Variants in PIR observed in about 807,000 individuals in gnomAD.
The protein encoded by PIR is pirin (iron-binding nuclear protein).
Under a neutral mutation model 24.2 loss-of-function variants are expected in PIR, and 22 were observed. The observed-to-expected ratio is 0.91, with a 90% CI of 0.65 to 1.30. PIR has a LOEUF of 1.30. PIR is among the 50% of genes most tolerant of loss of function. The pLI is 0.00. For synonymous variants in PIR, 80 were observed against 79.6 expected, an observed-to-expected ratio of 1.00 and a Z score of -0.03; for missense variants, 220 against 220.3, an observed-to-expected ratio of 1.00 and a Z score of 0.01.
At position 15,465,331 on chromosome X, in the gene PIR, TTTTA is replaced by T. The variant is rs778199658; in HGVS notation, c.190-5595_190-5592del. Among the ~76,000 whole-genome samples the T allele has an allele frequency of 3.6e-3, 407 of 111,987 alleles. 1 individual carries two copies. The highest frequency in any genetic ancestry group is 0.013 in the African/African-American group (391 of 30,874). On this transcript the variant is annotated intron_variant, in intron 3 of 9. Transcript: ENST00000380420. ...CACTGACCTTTTACTTATTATAACC[TTTTA>T]TTTGTTTTTTTGCTAAGTAGTGTAA...
chrX:15,440,789 G>A (rs917822186), intron 5 of PIR, among the ~76,000 whole-genome samples: 4 of 111,222 alleles, frequency 3.6e-5, no homozygotes, highest in Admixed American at 9.6e-5. Context: ...TCTGGTGCCT[G>A]GAGTTACCAC....
At chrX:15,442,990 G>A (rs756512402) in intron 5 of PIR, among the ~76,000 whole-genome samples, 22 of 112,517 alleles carry the variant, frequency 2.0e-4, no homozygotes, top group Non-Finnish European at 3.6e-4. Context: ...CAATGTAGAT[G>A]AAACAGCCTT....
chrX:15,481,422 G>A (rs1922494754), intron 2 of PIR, among the ~76,000 whole-genome samples: 1 of 111,736 alleles, frequency 8.9e-6, no homozygotes. Context: ...ATTGGAATTA[G>A]TTTTAATCTA....
chrX:15,416,119 T>A (rs1924906776), intron 6 of PIR, among the ~76,000 whole-genome samples: 1 of 111,998 alleles, frequency 8.9e-6, no homozygotes, highest in East Asian at 2.8e-4. Flanking sequence ...TCTTCCTGAA[T>A]AATTTGATAT....
chrX:15,448,337 T>C (rs1224949501), intron 5 of PIR, among the ~76,000 whole-genome samples: 3 of 112,587 alleles, frequency 2.7e-5, no homozygotes, highest in Admixed American at 9.4e-5. Flanking sequence ...GACCTAATTG[T>C]GCCTATTCTC....
At chrX:15,466,012 T>G (rs1457921653) in intron 3 of PIR, among the ~76,000 whole-genome samples, 4 of 65,529 alleles carry the variant, frequency 6.1e-5, no homozygotes, top group East Asian at 9.7e-4. Context: ...GGCTGTTTTT[T>G]TTTTTTTTTT....
chrX:15,465,600 C>A (rs911500368), intron 3 of PIR, among the ~76,000 whole-genome samples: 1 of 112,140 alleles, frequency 8.9e-6, no homozygotes, highest in African/African-American at 3.2e-5. Flanking sequence ...TTTCTTAAAG[C>A]ACTTGACGTG....
At chrX:15,476,787 G>A (rs1922218978) in intron 3 of PIR, among the ~76,000 whole-genome samples, 1 of 111,663 alleles carries the variant, frequency 9.0e-6, no homozygotes, top group African/African-American at 3.3e-5. Flanking sequence ...TTTTTCACTT[G>A]TAAAAATGGC....
chrX:15,484,316 T>TTC (rs1375552782), intron 2 of PIR, among the ~76,000 whole-genome samples: 1 of 92,119 alleles, frequency 1.1e-5, no homozygotes, highest in Non-Finnish European at 2.2e-5. Context: ...CTTTTTTTTT[T>TTC]TTTTTTTTTT....
intron 2 of PIR, among the ~76,000 whole-genome samples, chrX:15,484,977 C>T (rs974248750): frequency 4.5e-5 from 5 of 111,823 alleles, no homozygotes; most frequent in African/African-American, 1.6e-4. Context: ...AAATTTTCAG[C>T]CTACCCATAT....
chrX:15,442,021 G>A (rs1925931540), intron 5 of PIR, among the ~76,000 whole-genome samples: 1 of 110,645 alleles, frequency 9.0e-6, no homozygotes, highest in Admixed American at 9.6e-5. Context: ...AGACGTACAG[G>A]CATACCTTGT....
chrX:15,471,146 T>C (rs1921893659), intron 3 of PIR, among the ~76,000 whole-genome samples: 2 of 111,969 alleles, frequency 1.8e-5, no homozygotes, highest in African/African-American at 3.3e-5. Context: ...CTGTGGGAAG[T>C]GGCCTGTGCA....
At chrX:15,400,842 G>A (rs1485607582) in intron 7 of PIR, among the ~76,000 whole-genome samples, 1 of 108,235 alleles carries the variant, frequency 9.2e-6, no homozygotes, top group Admixed American at 1.0e-4. Context: ...TGCCTCCCGC[G>A]ATTATTCTGC....
At chrX:15,445,940 C>A (rs774131869) in intron 5 of PIR, among the ~76,000 whole-genome samples, 2 of 104,144 alleles carry the variant, frequency 1.9e-5, no homozygotes, top group East Asian at 6.0e-4. Flanking sequence ...CGCCATTCTC[C>A]TGCCTCAGCC....
chrX:15,433,391 G>A (rs1355431630), intron 5 of PIR, among the ~76,000 whole-genome samples: 1 of 107,728 alleles, frequency 9.3e-6, no homozygotes, highest in Non-Finnish European at 1.9e-5. Context: ...TGTGGAGAAG[G>A]ACAAAGCAAT....
In PIR at chrX:15,479,068, T is replaced by C. The variant is rs758530094; in HGVS notation, c.189+661A>G. ...CTTTGAAAGTGCCACAATATTATGT[T>C]ACACATTTTATTTCTGTATCTAACT... On this transcript the variant is annotated intron_variant, in intron 3 of 9. Coordinates refer to ENST00000380420, the MANE Select transcript of PIR (RefSeq NM_001018109.3). Among the ~76,000 whole-genome samples the C allele has an allele frequency of 2.7e-5, 3 of 112,362 alleles. No homozygotes were observed. In the East Asian group the frequency reaches 8.4e-4, roughly 31 times the overall value.
chrX:15,480,623 T>C (rs1030738125), intron 2 of PIR, among the ~76,000 whole-genome samples: 2 of 111,782 alleles, frequency 1.8e-5, no homozygotes, highest in African/African-American at 6.5e-5. Context: ...CTCAGGAATA[T>C]GGCACTTAAT....
At chrX:15,398,573 T>G (rs1924258525) in intron 7 of PIR, among the ~76,000 whole-genome samples, 1 of 110,715 alleles carries the variant, frequency 9.0e-6, no homozygotes, top group South Asian at 3.8e-4. Context: ...AACAGTCTTT[T>G]GGGAAGAACG....
At chrX:15,477,233 A>G (rs1922241903) in intron 3 of PIR, among the ~76,000 whole-genome samples, 1 of 111,469 alleles carries the variant, frequency 9.0e-6, no homozygotes, top group African/African-American at 3.3e-5. Context: ...ATTAAGAGAT[A>G]ATGGCTTACC....
Sources: gnomAD v4.1 joint callset for allele counts (sites outside exome capture counted in the v4.1 genomes callset) on GRCh38, gnomAD v4.1.1 for gene constraint, MANE v1.5 for transcripts, NCBI Gene and HGNC (gene_info 2026-07-23, HGNC 2026-07-21) for gene names.